Variants in ITGB3 observed in about 807,000 individuals in gnomAD.
ITGB3 encodes integrin subunit beta 3.
A neutral mutation model predicts 85.8 loss-of-function variants in ITGB3; 48 were observed. The ratio of observed to expected loss-of-function variants is 0.56; its 90% confidence interval spans 0.44 to 0.71. The LOEUF (loss-of-function observed/expected upper bound fraction) is 0.71. Among genes scored for constraint, ITGB3 ranks in the 30% least tolerant of loss-of-function variants. ITGB3 has a pLI of 0.00. For synonymous variants in ITGB3, 363 were observed against 395.6 expected (o/e 0.92, Z 0.98); for missense variants, 861 against 1,019.1 (o/e 0.84, Z 2.11).
At chr17:47,255,167 C>T (rs900334885) in intron 1 of ITGB3, among the ~76,000 whole-genome samples, 6 of 151,306 alleles carry the variant, frequency 4.0e-5, no homozygotes, top group Non-Finnish European at 8.8e-5. Context: ...TTAGTAGAGA[C>T]GCGGTTTCAC....
At chr17:47,298,849 T>C (rs571513511) in intron 10 of ITGB3, among the ~76,000 whole-genome samples, 1 of 152,328 alleles carries the variant, frequency 6.6e-6, no homozygotes, top group African/African-American at 2.4e-5. Context: ...TTTGCCATCA[T>C]CAAGTCACAC....
chr17:47,300,403 G>A (rs1019241918), intron 11 of ITGB3, 75 bp from the exon 12 acceptor site: 4 of 1,005,974 alleles, frequency 4.0e-6, no homozygotes, highest in African/African-American at 1.6e-5. Flanking sequence ...TGAATGCATG[G>A]AGATCAGAGC....
rs948063604 is a variant in ITGB3, at chr17:47,300,328, C to T, written c.1914-150C>T. ...TTGCCATTCAGGTCCCCAGGATTGTCTTACAGGCGCGCGCGCGCGTGTGTG... is the reference window on the plus strand; with the variant it reads ...TTGCCATTCAGGTCCCCAGGATTGTTTTACAGGCGCGCGCGCGCGTGTGTG... On this transcript the variant is annotated intron_variant, in intron 11 of 14. Coordinates refer to ENST00000559488, the MANE Select transcript of ITGB3 (RefSeq NM_000212.3). The T allele has an allele frequency of 3.4e-5, 23 of 670,236 alleles. No homozygotes were observed. The Admixed American group carries it at 4.6e-4, about 14-fold the overall frequency. 41.5% of individuals were successfully genotyped at this position (670,236 alleles called of 1,614,324 possible).
Position 47,310,184 on chromosome 17 carries a change from A to G in ITGB3, c.2347A>G (p.Ile783Val). The G allele has an allele frequency of 6.2e-7, 1 of 1,614,026 alleles. No homozygotes were observed. Among genetic ancestry groups the G allele is most frequent in the South Asian group, 1.1e-5 (1 of 91,076 alleles). Residue 783 changes from isoleucine (I) to valine (V), a missense_variant, in exon 15 of 15, where the codon ATC becomes GTC. Transcript: ENST00000559488. ...YKEATSTFTN[I>V]TYRGT ...AGAGGCCACGTCTACCTTCACCAAT[A>G]TCACGTACCGGGGCACTTAATGATA...
Position 47,253,877 on chromosome 17 carries a change from CGGCCCCG to C in ITGB3, c.18_24del (p.Pro7ArgfsTer17). 8.0e-7 allele frequency: 1 copy of C among 1,254,012 alleles called. No individual in the cohort carries two copies. Among genetic ancestry groups the C allele is most frequent in the Non-Finnish European group, 1.0e-6 (1 of 999,898 alleles). The allele number at this position is 1,254,012 out of a possible 1,614,324, so 77.7% of individuals were successfully genotyped here. A position where few individuals can be genotyped will look rare whatever the true frequency, so the allele number is the denominator to read the frequency against. On this transcript the variant is annotated frameshift_variant, in exon 1 of 15. Transcript: ENST00000559488. LOFTEE classifies it high-confidence loss of function. ...GGCGGACGAGATGCGAGCGCGGCCG[CGGCCCCG>C]GCCGCTCTGGGCGACTGTGCTGGCG...
rs1249930098 is a variant in ITGB3, at chr17:47,310,864, T to A, written c.*660T>A. 1 of 162,916 alleles carries A rather than the reference T, an allele frequency of 6.1e-6. No individual in the cohort carries two copies. Among genetic ancestry groups the A allele is most frequent in the Non-Finnish European group, 1.4e-5 (1 of 73,034 alleles). 10.1% of individuals were successfully genotyped at this position (162,916 alleles called of 1,614,324 possible). On this transcript the variant is annotated 3_prime_UTR_variant, in exon 15 of 15. Coordinates refer to ENST00000559488, the MANE Select transcript of ITGB3 (RefSeq NM_000212.3). ...TCTCGCAAGGGAAGTCCTTGCAAGC[T>A]AATTCTTTGACCTGTTGGGAGTGAG...
intron 2 of ITGB3, among the ~76,000 whole-genome samples, chr17:47,277,007 G>C (rs2065066256): frequency 2.0e-5 from 3 of 152,130 alleles, no homozygotes; most frequent in Non-Finnish European, 4.4e-5. Context: ...TAGAGGACCG[G>C]AGCTCTTGGG....
chr17:47,271,202 T>C (rs1338769989), intron 1 of ITGB3, among the ~76,000 whole-genome samples: 2 of 152,186 alleles, frequency 1.3e-5, no homozygotes, highest in Admixed American at 6.5e-5. Flanking sequence ...GATTCACCCA[T>C]GGCCACACTA....
At chr17:47,267,049 C>T (rs944525458) in intron 1 of ITGB3, among the ~76,000 whole-genome samples, 1 of 152,150 alleles carries the variant, frequency 6.6e-6, no homozygotes, top group African/African-American at 2.4e-5. Context: ...AAAGTATTCA[C>T]CTGCCCTAAA....
intron 11 of ITGB3, 66 bp from the exon 12 acceptor site, chr17:47,300,412 G>C: frequency 8.9e-7 from 1 of 1,125,378 alleles, no homozygotes; most frequent in Admixed American, 1.7e-5. Flanking sequence ...GGAGATCAGA[G>C]CTGGACTGGG....
rs115504290 is a variant in ITGB3 at position 47,274,578 on chromosome 17, T to C, written c.165+74T>C. ...TTGTGCAGAAACAGACCCATGAAGT[T>C]ATCACCTCCCTCTTGAATACACATG... On this transcript the variant is annotated intron_variant, in intron 2 of 14. Coordinates refer to ENST00000559488, the MANE Select transcript of ITGB3 (RefSeq NM_000212.3). 104 of 1,274,016 alleles carry C rather than the reference T, an allele frequency of 8.2e-5. 1 individual carries two copies. The African/African-American group carries it at 1.4e-3, about 17-fold the overall frequency. 78.9% of individuals were successfully genotyped at this position (1,274,016 alleles called of 1,614,324 possible). A position where few individuals can be genotyped will look rare whatever the true frequency, so the allele number is the denominator to read the frequency against.
At chr17:47,261,225 G>A (rs1191476959) in intron 1 of ITGB3, among the ~76,000 whole-genome samples, 2 of 152,104 alleles carry the variant, frequency 1.3e-5, no homozygotes, top group African/African-American at 4.8e-5. Context: ...CAGACTCTGG[G>A]GAGCCTACAT....
chr17:47,289,332 CT>C lies in ITGB3; in HGVS notation c.940-339del, dbSNP rs367942494. On this transcript the variant is annotated intron_variant, in intron 6 of 14. Coordinates refer to ENST00000559488, the MANE Select transcript of ITGB3 (RefSeq NM_000212.3). The stretch of plus-strand genomic sequence containing the variant: ...CCCTTCTTATCTCACTGTCACCCCC[CT>C]TTTTTTTTTAGAGACAGAGTCTTGC... Among the ~76,000 whole-genome samples the C allele has an allele frequency of 4.9e-3, 727 of 147,742 alleles. 20 individuals carry two copies. The East Asian group carries it at 0.057, about 12-fold the overall frequency.
intron 2 of ITGB3, among the ~76,000 whole-genome samples, chr17:47,275,915 G>A (rs79227484): frequency 0.026 from 3,956 of 152,282 alleles, 226 homozygotes; most frequent in East Asian, 0.24. Context: ...CCTCTGGGCT[G>A]AGCGGGCTGC....
Position 47,299,239 on chromosome 17 carries a change from G to A in ITGB3, c.1691-69G>A, listed in dbSNP as rs951938226. 5.6e-6 allele frequency: 8 copies of A among 1,436,856 alleles called. No homozygotes were observed. The East Asian group carries it at 1.6e-4, about 29-fold the overall frequency. 89.0% of individuals were successfully genotyped at this position (1,436,856 alleles called of 1,614,324 possible). Reference sequence around the variant, plus strand: ...GTGGTTGGGAGAGCAGGATGGTCGTGTGTAGCCTGCTGCCATGGGAGTGGA... The same window carrying A: ...GTGGTTGGGAGAGCAGGATGGTCGTATGTAGCCTGCTGCCATGGGAGTGGA... On this transcript the variant is annotated intron_variant, in intron 10 of 14. Coordinates refer to ENST00000559488, the MANE Select transcript of ITGB3 (RefSeq NM_000212.3). The surrounding 1 kb of genome is among the most constrained non-coding windows in gnomAD (Gnocchi z 5.1).
At chr17:47,269,849 T>C (rs1242056219) in intron 1 of ITGB3, among the ~76,000 whole-genome samples, 2 of 152,326 alleles carry the variant, frequency 1.3e-5, no homozygotes, top group East Asian at 1.9e-4. Context: ...AATAGTCTGT[T>C]CTCACACTGC....
chr17:47,287,732 G>C (rs1266170585), intron 6 of ITGB3, among the ~76,000 whole-genome samples: 3 of 152,000 alleles, frequency 2.0e-5, no homozygotes, highest in African/African-American at 7.3e-5. Context: ...AATATAGTGA[G>C]ACCCTGCCTC....
chr17:47,292,266 GC>G lies in ITGB3; in HGVS notation c.1390del (p.Gln464ArgfsTer205), dbSNP rs750306242. 6.2e-7 allele frequency: 1 copy of G among 1,614,104 alleles called. No homozygotes were observed. Among genetic ancestry groups the G allele is most frequent in the African/African-American group, 1.3e-5 (1 of 74,948 alleles). ...VQVTFDCDCA[C>X]QAQAEPNSHR... ...GTCACCTTTGATTGTGACTGTGCCTGCCAGGCCCAAGCTGAACCTAATAGCC... is the reference window on the plus strand; with the variant it reads ...GTCACCTTTGATTGTGACTGTGCCTGCAGGCCCAAGCTGAACCTAATAGCC... On this transcript the variant is annotated frameshift_variant, in exon 10 of 15. Transcript: ENST00000559488. LOFTEE classifies it high-confidence loss of function.
At chr17:47,300,443 TC>T (rs752214146) in intron 11 of ITGB3, 34 bp from the exon 12 acceptor site, 1 of 1,525,446 alleles carries the variant, frequency 6.6e-7, no homozygotes, top group Non-Finnish European at 9.1e-7. Flanking sequence ...GCTTGCTCCT[TC>T]TTTGCCTTAA....
Sources: gnomAD v4.1 joint callset for allele counts (sites outside exome capture counted in the v4.1 genomes callset) on GRCh38, gnomAD v4.1.1 for gene constraint, Gnocchi (gnomAD v3.1) non-coding constraint, MANE v1.5 for transcripts, NCBI Gene and HGNC (gene_info 2026-07-23, HGNC 2026-07-21) for gene names.